The following CAST variants were observed in gnomAD, a reference collection of about 807,000 sequenced individuals.
CAST encodes the protein calpastatin.
In CAST, 76 loss-of-function variants were observed where a neutral mutation model predicts 119.6. That is an observed-to-expected ratio of 0.64 (90% CI 0.53 to 0.77). The LOEUF is 0.77. Ranked by LOEUF, CAST falls within the 30% of genes least tolerant of loss-of-function variation. CAST has a pLI of 0.00. For synonymous variants in CAST, 319 were observed against 331.6 expected, an observed-to-expected ratio of 0.96 and a Z score of 0.41; for missense variants, 953 against 946.5, an observed-to-expected ratio of 1.01 and a Z score of -0.09.
intron 12 of CAST, 83 bp downstream of exon 12, chr5:96,740,201 A>T (rs530244958): frequency 1.0e-5 from 7 of 700,526 alleles, no homozygotes; most frequent in Non-Finnish European, 1.7e-5. Flanking sequence ...CAGTGTTTAG[A>T]AGTTAGAAAA....
At chr5:96,688,516 G>A (rs992695533) in intron 2 of CAST, among the ~76,000 whole-genome samples, 3 of 152,084 alleles carry the variant, frequency 2.0e-5, no homozygotes, top group South Asian at 2.1e-4. Flanking sequence ...AAATCATAGC[G>A]CTGATATACT....
chr5:96,513,281 C>T, the CAST span, among the ~76,000 whole-genome samples: 1 of 152,094 alleles, frequency 6.6e-6, no homozygotes, highest in African/African-American at 2.4e-5. Context: ...GCTACCACAG[C>T]GAACAGAACA....
chr5:96,720,168 C>T (rs1305383868), intron 3 of CAST, among the ~76,000 whole-genome samples: 2 of 152,164 alleles, frequency 1.3e-5, no homozygotes, highest in African/African-American at 2.4e-5. Context: ...CTGGGGGAGC[C>T]AATGAACTCT....
chr5:96,032,299 T>C, the CAST span, among the ~76,000 whole-genome samples: 1 of 152,084 alleles, frequency 6.6e-6, no homozygotes, highest in Non-Finnish European at 1.5e-5. Flanking sequence ...GTCATTTGAG[T>C]TCTTGAATGC....
At chr5:96,720,975 A>G (rs939921884) in intron 3 of CAST, among the ~76,000 whole-genome samples, 1 of 152,256 alleles carries the variant, frequency 6.6e-6, no homozygotes, top group African/African-American at 2.4e-5. Context: ...TGTATAATCA[A>G]TTCCAATTAT....
chr5:96,009,324 C>G, the CAST span, among the ~76,000 whole-genome samples: 1 of 152,168 alleles, frequency 6.6e-6, no homozygotes, highest in East Asian at 1.9e-4. Flanking sequence ...CAGGCAGATA[C>G]TCAGTAGTGG....
the CAST span, among the ~76,000 whole-genome samples, chr5:96,480,905 T>C: frequency 6.6e-6 from 1 of 152,104 alleles, no homozygotes; most frequent in African/African-American, 2.4e-5. Context: ...GCAGGAATAA[T>C]TCAAGTATTT....
the CAST span, among the ~76,000 whole-genome samples, chr5:96,326,572 C>A: frequency 6.6e-6 from 1 of 152,084 alleles, no homozygotes; most frequent in Non-Finnish European, 1.5e-5. Context: ...CTTCACTGGG[C>A]CCCCTCTTTA....
the CAST span, among the ~76,000 whole-genome samples, chr5:96,245,740 A>G: frequency 6.6e-6 from 1 of 152,076 alleles, no homozygotes; most frequent in Non-Finnish European, 1.5e-5. Context: ...TCCATTACTG[A>G]TGATTAGTTT....
chr5:96,019,640 C>T, the CAST span, among the ~76,000 whole-genome samples: 2 of 152,156 alleles, frequency 1.3e-5, no homozygotes, highest in African/African-American at 2.4e-5. Flanking sequence ...CTCCCCAGAA[C>T]AACTCAATTC....
the CAST span, among the ~76,000 whole-genome samples, chr5:96,456,341 G>C: frequency 6.6e-6 from 1 of 152,252 alleles, no homozygotes; most frequent in East Asian, 1.9e-4. Context: ...ACATATCTGA[G>C]CTTTCACATT....
the CAST span, among the ~76,000 whole-genome samples, chr5:96,112,464 T>C: frequency 6.6e-6 from 1 of 152,200 alleles, no homozygotes. Context: ...AGGATAAATT[T>C]TGTGAGAGCA....
At chr5:96,633,961 T>C (rs972625987) in intron 1 of CAST, among the ~76,000 whole-genome samples, 4 of 152,196 alleles carry the variant, frequency 2.6e-5, no homozygotes, top group African/African-American at 9.7e-5. Context: ...TTAGAACAAC[T>C]CATGACTCAT....
At chr5:96,644,062 A>T (rs1287357414) in intron 1 of CAST, among the ~76,000 whole-genome samples, 1 of 152,102 alleles carries the variant, frequency 6.6e-6, no homozygotes, top group Non-Finnish European at 1.5e-5. Context: ...AAAAAAAAAA[A>T]AATTGAGGGT....
At chr5:96,468,562 G>C in the CAST span, among the ~76,000 whole-genome samples, 3 of 152,040 alleles carry the variant, frequency 2.0e-5, no homozygotes. Context: ...AACCCAGGTA[G>C]AGCCATAAAT....
the CAST span, among the ~76,000 whole-genome samples, chr5:96,316,151 A>G: frequency 1.3e-5 from 2 of 152,246 alleles, no homozygotes; most frequent in Non-Finnish European, 2.9e-5. Context: ...GGTAACCAGA[A>G]TAGTGAATAT....
the CAST span, among the ~76,000 whole-genome samples, chr5:96,168,780 G>T: frequency 6.6e-6 from 1 of 152,134 alleles, no homozygotes; most frequent in Non-Finnish European, 1.5e-5. Context: ...TAAAGTCCGG[G>T]CCAGGAACAA....
intron 22 of CAST, among the ~76,000 whole-genome samples, chr5:96,755,496 A>T (rs990963222): frequency 1.3e-5 from 2 of 152,242 alleles, no homozygotes; most frequent in African/African-American, 4.8e-5. Context: ...GAAAGTACAG[A>T]TTGTACACAA....
At position 96,767,930 on chromosome 5, in the gene CAST, C is replaced by T; in HGVS notation, c.2199C>T (p.Pro733=). Residue 733 remains proline (P), a synonymous_variant, in exon 29 of 32, where the codon CCC becomes CCT. Coordinates refer to ENST00000675179, the MANE Select transcript of CAST (RefSeq NM_001750.7). ...AGAAACCTGCAGATGACCAAGACCC[C>T]ATTGATGCTCTCTCAGGAGATCTGG... is the stretch of plus-strand genomic sequence containing the variant. ...DSKKPADDQD[P]IDALSGDLDS... 1 of 1,613,340 alleles carries T rather than the reference C, an allele frequency of 6.2e-7. No homozygotes were observed. Among genetic ancestry groups the T allele is most frequent in the Non-Finnish European group, 8.5e-7 (1 of 1,179,372 alleles).
Sources: allele counts gnomAD v4.1 joint callset (sites outside exome capture counted in the v4.1 genomes callset), GRCh38; gene constraint gnomAD v4.1.1; transcripts MANE v1.5; gene names NCBI Gene and HGNC (gene_info 2026-07-23, HGNC 2026-07-21).